Variants in PCDHA6 observed in about 807,000 individuals in gnomAD.
PCDHA6 encodes protocadherin alpha 6.
Under a neutral mutation model 60.3 loss-of-function variants are expected in PCDHA6, and 55 were observed. The ratio of observed to expected loss-of-function variants is 0.91; its 90% CI spans 0.73 to 1.14. PCDHA6 has a LOEUF of 1.14. PCDHA6 is among the 50% of genes most tolerant of loss of function. PCDHA6 has a pLI of 0.00. For synonymous variants in PCDHA6, 652 were observed against 557.9 expected, an observed-to-expected ratio of 1.17 and a Z score of -2.38; for missense variants, 1,327 against 1,256.5, an observed-to-expected ratio of 1.06 and a Z score of -0.85.
chr5:140,856,563 G>A (rs1554148859), intron 1 of PCDHA6: 3 of 1,597,526 alleles, frequency 1.9e-6, no homozygotes, highest in Middle Eastern at 1.7e-4. Context: ...TACAAACTCA[G>A]TCCAAATGAG....
intron 1 of PCDHA6, chr5:140,857,801 G>A: frequency 6.3e-7 from 1 of 1,597,726 alleles, no homozygotes; most frequent in Non-Finnish European, 8.6e-7. Flanking sequence ...GCGGTCGGTG[G>A]TTGCGGGTCA....
intron 1 of PCDHA6, among the ~76,000 whole-genome samples, chr5:140,838,012 A>G (rs2150146283): frequency 6.6e-6 from 1 of 151,110 alleles, no homozygotes; most frequent in East Asian, 1.9e-4. Flanking sequence ...TAAAAAAAGA[A>G]GTGATTACAG....
chr5:140,937,229 G>A (rs2091424119), intron 1 of PCDHA6, among the ~76,000 whole-genome samples: 1 of 151,784 alleles, frequency 6.6e-6, no homozygotes, highest in Non-Finnish European at 1.5e-5. Flanking sequence ...TGTAGAGACG[G>A]GGTTTCACCG....
At chr5:140,912,865 A>G (rs1554195582) in intron 1 of PCDHA6, among the ~76,000 whole-genome samples, 1 of 152,138 alleles carries the variant, frequency 6.6e-6, no homozygotes, top group East Asian at 1.9e-4. Flanking sequence ...GAAATGATAT[A>G]TGGTTTTTGG....
At chr5:140,857,856 A>G in intron 1 of PCDHA6, 1 of 1,597,730 alleles carries the variant, frequency 6.3e-7, no homozygotes, top group Non-Finnish European at 8.6e-7. Context: ...TCTGGATACA[A>G]CGCGTGGCTG....
intron 1 of PCDHA6, chr5:140,841,722 G>A (rs2150321630): frequency 1.2e-6 from 2 of 1,613,870 alleles, no homozygotes; most frequent in Admixed American, 1.7e-5. Context: ...CCAGTGTTCC[G>A]GGTAAAAGAC....
intron 1 of PCDHA6, among the ~76,000 whole-genome samples, chr5:140,916,951 G>A (rs1197063390): frequency 6.6e-6 from 1 of 152,210 alleles, no homozygotes; most frequent in Non-Finnish European, 1.5e-5. Context: ...GAGGCTTGCT[G>A]AGTTCTGACT....
chr5:141,010,618 G>T lies in PCDHA6; in HGVS notation c.*681G>T. The T allele has an allele frequency of 5.2e-6, 1 of 191,706 alleles. No individual in the cohort carries two copies. The highest frequency in any genetic ancestry group is 1.1e-5 in the Non-Finnish European group (1 of 92,168). 11.9% of individuals were successfully genotyped at this position (191,706 alleles called of 1,614,324 possible). ...TGTGACGTCATTATACCTAAAATCT[G>T]CATCATACCTGCAAGCCAACAGTTC... is the stretch of plus-strand genomic sequence containing the variant. On this transcript the variant is annotated 3_prime_UTR_variant, in exon 4 of 4. Coordinates refer to ENST00000529310, the MANE Select transcript of PCDHA6 (RefSeq NM_018909.4).
intron 1 of PCDHA6, chr5:140,870,322 G>A (rs1554164069): frequency 6.2e-7 from 1 of 1,614,086 alleles, no homozygotes; most frequent in African/African-American, 1.3e-5. Flanking sequence ...CTACTCGTTG[G>A]TGCTGGACAG....
intron 1 of PCDHA6, chr5:140,871,263 G>T: frequency 6.2e-7 from 1 of 1,614,010 alleles, no homozygotes; most frequent in South Asian, 1.1e-5. Flanking sequence ...ATACGGCGCT[G>T]TGGTGGTCGG....
At chr5:140,928,082 T>A (rs1387313022) in intron 1 of PCDHA6, 4 of 1,614,094 alleles carry the variant, frequency 2.5e-6, no homozygotes, top group Admixed American at 3.3e-5. Context: ...TACTACAGCC[T>A]GCTGATTGAT....
chr5:140,852,939 T>C (rs995213458), intron 1 of PCDHA6: 2 of 590,456 alleles, frequency 3.4e-6, no homozygotes, highest in Non-Finnish European at 4.4e-6. Context: ...AGTGCAGTGG[T>C]GCCATCTTGG....
At chr5:140,870,161 CCTT>C in intron 1 of PCDHA6, 2 of 1,614,124 alleles carry the variant, frequency 1.2e-6, no homozygotes, top group Non-Finnish European at 1.7e-6. Flanking sequence ...GCCGTGACTT[CCTT>C]GTCCCTCCCA....
chr5:140,941,438 C>T (rs1408570275), intron 1 of PCDHA6, among the ~76,000 whole-genome samples: 4 of 150,764 alleles, frequency 2.7e-5, no homozygotes, highest in African/African-American at 7.3e-5. Context: ...GCCTCAGCCT[C>T]GGGAGTAGCT....
chr5:140,916,406 G>A (rs988786781), intron 1 of PCDHA6, among the ~76,000 whole-genome samples: 1 of 152,186 alleles, frequency 6.6e-6, no homozygotes, highest in Admixed American at 6.5e-5. Flanking sequence ...GATCACACCT[G>A]AAGTCAGCAC....
At chr5:140,880,045 G>A (rs1345443297) in intron 1 of PCDHA6, among the ~76,000 whole-genome samples, 2 of 152,164 alleles carry the variant, frequency 1.3e-5, no homozygotes, top group Admixed American at 6.5e-5. Flanking sequence ...GGATTAAGAT[G>A]TGGGCATAAC....
At chr5:140,945,372 T>C (rs1554216918) in intron 1 of PCDHA6, among the ~76,000 whole-genome samples, 1 of 152,088 alleles carries the variant, frequency 6.6e-6, no homozygotes, top group Non-Finnish European at 1.5e-5. Flanking sequence ...AATGTCCATA[T>C]TACCCAAAGC....
intron 1 of PCDHA6, among the ~76,000 whole-genome samples, chr5:140,890,620 A>G (rs1554184472): frequency 6.6e-6 from 1 of 152,196 alleles, no homozygotes; most frequent in East Asian, 1.9e-4. Flanking sequence ...TTACCCTAGA[A>G]AATTAAGCAT....
At chr5:140,869,463 C>T (rs1554163094) in intron 1 of PCDHA6, 1 of 1,614,148 alleles carries the variant, frequency 6.2e-7, no homozygotes, top group South Asian at 1.1e-5. Context: ...TCCATGTGAA[C>T]GTGGAGGTGA....
Sources: gnomAD v4.1 joint callset for allele counts (sites outside exome capture counted in the v4.1 genomes callset) on GRCh38, gnomAD v4.1.1 for gene constraint, MANE v1.5 for transcripts, NCBI Gene and HGNC (gene_info 2026-07-23, HGNC 2026-07-21) for gene names.